The following HAVCR1 variants were observed in gnomAD, a reference collection of about 807,000 sequenced individuals.
HAVCR1 encodes hepatitis A virus cellular receptor 1.
A neutral mutation model predicts 32.0 loss-of-function variants in HAVCR1; 34 were observed. The observed-to-expected ratio is 1.06, with a 90% confidence interval of 0.81 to 1.42. HAVCR1 has a LOEUF of 1.42. HAVCR1 is among the 40% of genes most tolerant of loss of function. HAVCR1 has a pLI of 0.00. For synonymous variants in HAVCR1, 178 were observed against 170.3 expected, an observed-to-expected ratio of 1.05 and a Z score of -0.35; for missense variants, 420 against 442.3, an observed-to-expected ratio of 0.95 and a Z score of 0.45.
At chr5:157,042,750 T>C (rs921849513) in intron 5 of HAVCR1, 68 bp from the exon 6 acceptor site, 2 of 908,768 alleles carry the variant, frequency 2.2e-6, no homozygotes, top group African/African-American at 1.6e-5. Flanking sequence ...AGACACTAAA[T>C]ATATTCACAT....
intron 5 of HAVCR1, among the ~76,000 whole-genome samples, chr5:157,048,659 A>G (rs1755551411): frequency 6.6e-6 from 1 of 151,964 alleles, no homozygotes; most frequent in Admixed American, 6.6e-5. Flanking sequence ...TGAAACCCCG[A>G]CTCTACTAAA....
rs1561599055 is a variant in HAVCR1, at chr5:157,052,434, TGTTGTTGTTGGAATGCTC to T, written c.582_599del (p.Ile196_Ser201del). 8.8e-6 allele frequency: 9 copies of T among 1,025,246 alleles called. No homozygotes were observed. Among genetic ancestry groups the T allele is most frequent in the Non-Finnish European group, 1.2e-5 (9 of 760,442 alleles). The allele number at this position is 1,025,246 out of a possible 1,614,324, so 63.5% of individuals were successfully genotyped here. A position where few individuals can be genotyped will look rare whatever the true frequency, so the allele number is the denominator to read the frequency against. ...AGACAGTTGTTGTCACTGGAACACTTGTTGTTGTTGGAATGCTCGTTGTCGTTGGAACGCTCGTTGTCG... is the reference window on the plus strand; with the variant it reads ...AGACAGTTGTTGTCACTGGAACACTTGTTGTCGTTGGAACGCTCGTTGTCG... On this transcript the variant is annotated inframe_deletion, in exon 4 of 9. Transcript: ENST00000523175.
chr5:157,061,320 A>C (rs1201909440), upstream of HAVCR1, among the ~76,000 whole-genome samples: 2 of 152,188 alleles, frequency 1.3e-5, no homozygotes, highest in East Asian at 3.8e-4. Flanking sequence ...GCTTTCAAAA[A>C]AATAAATTAA....
At chr5:157,036,395 C>T (rs1020205053) in intron 7 of HAVCR1, among the ~76,000 whole-genome samples, 1 of 152,186 alleles carries the variant, frequency 6.6e-6, no homozygotes, top group Non-Finnish European at 1.5e-5. Flanking sequence ...AGGAGAATGG[C>T]TTGAACTCAG....
Position 157,038,034 on chromosome 5 carries a change from T to G in HAVCR1, c.838-673A>C, listed in dbSNP as rs556101017. Among the ~76,000 whole-genome samples, 42 of 141,624 alleles carry G rather than the reference T, an allele frequency of 3.0e-4. No individual in the cohort carries two copies. In the South Asian group the frequency reaches 3.1e-3, roughly 11 times the overall value. The allele number at this position is 141,624 out of a possible 152,430, so 92.9% of individuals were successfully genotyped here. On this transcript the variant is annotated intron_variant, in intron 6 of 8. Transcript: ENST00000523175. Reference sequence around the variant, plus strand: ...AAAAAAGAAAAAAAGAAAAAAAAATTGTTTATATAAATTGACTTGATGTGA... The same window carrying G: ...AAAAAAGAAAAAAAGAAAAAAAAATGGTTTATATAAATTGACTTGATGTGA...
chr5:157,066,500 A>C, the HAVCR1 span, among the ~76,000 whole-genome samples: 1 of 83,766 alleles, frequency 1.2e-5, no homozygotes, highest in African/African-American at 3.9e-5. Context: ...GTGAGTCCCC[A>C]TCTTCCAAAA....
chr5:157,034,007 G>T (rs7710042), intron 7 of HAVCR1, among the ~76,000 whole-genome samples: 3,158 of 152,276 alleles, frequency 0.021, 92 homozygotes, highest in African/African-American at 0.072. Context: ...GAGCTTTAAG[G>T]GGGCCAGCCC....
intron 4 of HAVCR1, among the ~76,000 whole-genome samples, chr5:157,051,562 A>T (rs994208001): frequency 4.0e-5 from 6 of 151,434 alleles, no homozygotes; most frequent in African/African-American, 1.5e-4. Context: ...TTTCTTTTTC[A>T]CTCTGTTACC....
At chr5:157,060,467 A>T (rs1419572703), upstream of HAVCR1, among the ~76,000 whole-genome samples, 1 of 152,110 alleles carries the variant, frequency 6.6e-6, no homozygotes. Flanking sequence ...TCCCGGCTTA[A>T]ATATGACCTC....
chr5:157,058,745 T>C (rs548588444), intron 1 of HAVCR1, among the ~76,000 whole-genome samples, 176 bp downstream of exon 1: 1 of 152,290 alleles, frequency 6.6e-6, no homozygotes, highest in Non-Finnish European at 1.5e-5. Context: ...CAACGACTTA[T>C]CCCTAGCCTT....
intron 5 of HAVCR1, among the ~76,000 whole-genome samples, chr5:157,045,137 A>C (rs1278312594): frequency 6.6e-6 from 1 of 152,192 alleles, no homozygotes; most frequent in Non-Finnish European, 1.5e-5. Context: ...TAGGCACAGA[A>C]CGATATTAAC....
In HAVCR1 at chr5:157,035,422, T is replaced by C. The variant is rs867123079; in HGVS notation, c.952+1825A>G. Among the ~76,000 whole-genome samples, 3 of 152,324 alleles carry C rather than the reference T, an allele frequency of 2.0e-5. No homozygotes were observed. In the South Asian group the frequency reaches 6.2e-4, roughly 32 times the overall value. On this transcript the variant is annotated intron_variant, in intron 7 of 8. Coordinates refer to ENST00000523175, the MANE Select transcript of HAVCR1 (RefSeq NM_001173393.3). ...GCAAAATAGCTAACTAGGGTTCTTT[T>C]ATGGGAGGCAGGTTATACTGAGACA... is the stretch of plus-strand genomic sequence containing the variant.
At chr5:157,063,856 C>T (rs773417223), upstream of HAVCR1, among the ~76,000 whole-genome samples, 4 of 152,214 alleles carry the variant, frequency 2.6e-5, no homozygotes, top group Non-Finnish European at 5.9e-5. Context: ...TTAGCCAAGA[C>T]AGCAAACGCT....
intron 7 of HAVCR1, among the ~76,000 whole-genome samples, chr5:157,034,010 G>T (rs762365231): frequency 6.6e-6 from 1 of 152,192 alleles, no homozygotes; most frequent in Non-Finnish European, 1.5e-5. Flanking sequence ...CTTTAAGGGG[G>T]CCAGCCCCTC....
chr5:157,055,079 A>T, intron 3 of HAVCR1, 122 bp downstream of exon 3: 1 of 590,674 alleles, frequency 1.7e-6, no homozygotes, highest in Non-Finnish European at 3.0e-6. Flanking sequence ...ATTTCCCAAG[A>T]ACAAGAGTTT....
At chr5:157,034,266 G>A (rs1361545213) in intron 7 of HAVCR1, among the ~76,000 whole-genome samples, 4 of 151,792 alleles carry the variant, frequency 2.6e-5, no homozygotes, top group African/African-American at 9.7e-5. Flanking sequence ...GAAAACATGT[G>A]AGCAAAGGTC....
At chr5:157,056,659 T>A (rs1039538805) in intron 2 of HAVCR1, among the ~76,000 whole-genome samples, 2 of 151,762 alleles carry the variant, frequency 1.3e-5, no homozygotes, top group Non-Finnish European at 2.9e-5. Context: ...GGATTACAGG[T>A]GTGAGCCACC....
chr5:157,061,433 A>G (rs1467874399), upstream of HAVCR1, among the ~76,000 whole-genome samples: 1 of 152,166 alleles, frequency 6.6e-6, no homozygotes, highest in Non-Finnish European at 1.5e-5. Context: ...TAAGTGTTGA[A>G]GCCAGGCATG....
the HAVCR1 span, among the ~76,000 whole-genome samples, chr5:157,069,067 C>T: frequency 1.3e-5 from 2 of 152,202 alleles, no homozygotes; most frequent in Non-Finnish European, 2.9e-5. Flanking sequence ...TGAATAAATA[C>T]GGCTTAACAC....
Sources: allele counts gnomAD v4.1 joint callset (sites outside exome capture counted in the v4.1 genomes callset), GRCh38; gene constraint gnomAD v4.1.1; transcripts MANE v1.5; gene names NCBI Gene and HGNC (gene_info 2026-07-23, HGNC 2026-07-21).